Variants in CFAP161 observed in about 807,000 individuals in gnomAD.
The protein encoded by CFAP161 is cilia- and flagella-associated protein 161.
In CFAP161, 25 loss-of-function variants were observed where a neutral mutation model predicts 29.0. That is an observed-to-expected ratio of 0.86 (90% CI 0.63 to 1.20). The LOEUF (loss-of-function observed/expected upper bound fraction) is 1.20. CFAP161 is among the 50% of genes most tolerant of loss of function. The pLI is 0.00. For missense variants in CFAP161, 367 were observed against 371.9 expected (o/e 0.99, Z 0.11); for synonymous variants, 116 against 137.4 (o/e 0.84, Z 1.09).
chr15:81,139,562 G>GCATTTTT (rs1567158916), intron 4 of CFAP161, among the ~76,000 whole-genome samples: 7 of 151,848 alleles, frequency 4.6e-5, no homozygotes, highest in Admixed American at 3.9e-4. Flanking sequence ...TTAAAATGAC[G>GCATTTTT]AAATCATTTA....
At chr15:81,114,978 AT>A (rs1235628281) in intron 1 of CFAP161, among the ~76,000 whole-genome samples, 4 of 152,246 alleles carry the variant, frequency 2.6e-5, no homozygotes, top group Non-Finnish European at 4.4e-5. Flanking sequence ...TGAGGATTGC[AT>A]AATTGTTTTG....
chr15:81,126,150 C>T (rs11855855), intron 1 of CFAP161, among the ~76,000 whole-genome samples: 3,404 of 152,182 alleles, frequency 0.022, 132 homozygotes, highest in African/African-American at 0.078. Flanking sequence ...ATTACAGGCG[C>T]GAGCCACCAT....
At chr15:81,138,952 A>G (rs1894858548) in intron 4 of CFAP161, among the ~76,000 whole-genome samples, 4 of 152,172 alleles carry the variant, frequency 2.6e-5, no homozygotes, top group South Asian at 2.1e-4. Context: ...TTAAAAATCC[A>G]TTTACTATAT....
chr15:81,137,467 G>C (rs1189323613), intron 3 of CFAP161, among the ~76,000 whole-genome samples: 1 of 152,110 alleles, frequency 6.6e-6, no homozygotes, highest in Non-Finnish European at 1.5e-5. Context: ...GTGGTGGCAG[G>C]CTCCTGTAAT....
At chr15:81,145,759 A>G (rs1464140892) in intron 5 of CFAP161, among the ~76,000 whole-genome samples, 5 of 152,222 alleles carry the variant, frequency 3.3e-5, no homozygotes. Context: ...CAGGTTGGGT[A>G]GATTACTTAT....
chr15:81,132,066 C>G (rs1362613132), upstream of CFAP161, among the ~76,000 whole-genome samples: 4 of 152,142 alleles, frequency 2.6e-5, no homozygotes, highest in African/African-American at 9.7e-5. Context: ...CACTTGAGGT[C>G]AGGAGTTCAA....
intron 1 of CFAP161, among the ~76,000 whole-genome samples, chr15:81,108,077 G>A (rs1167981489): frequency 6.6e-6 from 1 of 152,092 alleles, no homozygotes; most frequent in African/African-American, 2.4e-5. Context: ...TGACGGTTTG[G>A]GGAAATGAGT....
chr15:81,118,214 G>T, intron 1 of CFAP161: 1 of 488,648 alleles, frequency 2.0e-6, no homozygotes, highest in Middle Eastern at 3.1e-4. Context: ...GGCAGCTTGG[G>T]GAGATTTGAA....
intron 5 of CFAP161, among the ~76,000 whole-genome samples, chr15:81,147,451 A>T (rs111784901): frequency 2.6e-5 from 4 of 152,272 alleles, no homozygotes; most frequent in African/African-American, 9.6e-5. Context: ...TCGCCTCAAT[A>T]ATTTTCTTTG....
chr15:81,117,596 A>G (rs952401177), intron 1 of CFAP161: 1 of 176,296 alleles, frequency 5.7e-6, no homozygotes, highest in Non-Finnish European at 1.3e-5. Context: ...TAGTCCAAAC[A>G]ATACTGAACA....
At chr15:81,117,253 G>A (rs1894510084) in intron 1 of CFAP161, among the ~76,000 whole-genome samples, 1 of 151,976 alleles carries the variant, frequency 6.6e-6, no homozygotes, top group Non-Finnish European at 1.5e-5. Flanking sequence ...TATATATTCA[G>A]TGTTAAGATT....
intron 1 of CFAP161, among the ~76,000 whole-genome samples, chr15:81,109,860 CA>C (rs1894419638): frequency 6.6e-6 from 1 of 152,194 alleles, no homozygotes; most frequent in African/African-American, 2.4e-5. Flanking sequence ...TCATCTTCAA[CA>C]TTGCCTCATC....
intron 1 of CFAP161, among the ~76,000 whole-genome samples, chr15:81,125,441 T>G (rs948877863): frequency 2.0e-5 from 3 of 152,234 alleles, no homozygotes; most frequent in Admixed American, 2.0e-4. Flanking sequence ...GCTGGATTTA[T>G]AGTTTTGTAA....
At chr15:81,114,533 A>T (rs969907127) in intron 1 of CFAP161, among the ~76,000 whole-genome samples, 1 of 152,208 alleles carries the variant, frequency 6.6e-6, no homozygotes, top group African/African-American at 2.4e-5. Flanking sequence ...TTCACATGTC[A>T]ATCTAAACAA....
intron 1 of CFAP161, among the ~76,000 whole-genome samples, chr15:81,110,707 G>A (rs1894428909): frequency 6.6e-6 from 1 of 152,176 alleles, no homozygotes; most frequent in African/African-American, 2.4e-5. Flanking sequence ...AGTATAAGCA[G>A]GCATATTACC....
upstream of CFAP161, among the ~76,000 whole-genome samples, chr15:81,133,217 ATATATATGTATT>A (rs1371755671): frequency 7.2e-3 from 217 of 30,144 alleles, 2 homozygotes; most frequent in Middle Eastern, 0.015. Flanking sequence ...ATATATATAT[ATATATATGTATT>A]TTTTTTTAAA....
chr15:81,148,243 G>A (rs777000842), intron 6 of CFAP161, 95 bp from the exon 7 acceptor site: 102 of 1,244,896 alleles, frequency 8.2e-5, no homozygotes, highest in African/African-American at 1.8e-4. Flanking sequence ...CTAGCAATCC[G>A]CTTCTTAAGG....
At chr15:81,138,486 G>A (rs1347315133) in intron 4 of CFAP161, among the ~76,000 whole-genome samples, 4 of 152,182 alleles carry the variant, frequency 2.6e-5, no homozygotes, top group African/African-American at 9.7e-5. Context: ...GCCAATGCTA[G>A]CAAGGCATAT....
chr15:81,132,748 ATT>A (rs1356790265), upstream of CFAP161, among the ~76,000 whole-genome samples: 1 of 152,154 alleles, frequency 6.6e-6, no homozygotes, highest in Non-Finnish European at 1.5e-5. Context: ...TTTATTCTTG[ATT>A]TTATGAGGAA....
Sources: gnomAD v4.1 joint callset for allele counts (sites outside exome capture counted in the v4.1 genomes callset) on GRCh38, gnomAD v4.1.1 for gene constraint, MANE v1.5 for transcripts, NCBI Gene and HGNC (gene_info 2026-07-23, HGNC 2026-07-21) for gene names.